Variants in DOCK2 observed in about 807,000 individuals in gnomAD.
DOCK2 encodes the protein dedicator of cytokinesis 2, also known as dedicator of cytokinesis protein 2.
In DOCK2, 87 loss-of-function variants were observed where a neutral mutation model predicts 248.9. That is an observed-to-expected ratio of 0.35 (90% CI 0.29 to 0.42). The LOEUF is 0.42. DOCK2 is among the 10% of genes least tolerant of loss of function. DOCK2 has a pLI of 1.00. For synonymous variants in DOCK2, 805 were observed against 821.6 expected (o/e 0.98, Z 0.35); for missense variants, 1,747 against 2,300.2 (o/e 0.76, Z 4.92).
chr5:169,685,444 T>C (rs1185614097), intron 8 of DOCK2, among the ~76,000 whole-genome samples: 1 of 152,296 alleles, frequency 6.6e-6, no homozygotes, highest in African/African-American at 2.4e-5. Context: ...GTCTCCTCCA[T>C]TGGGGTTTTA....
intron 9 of DOCK2, among the ~76,000 whole-genome samples, chr5:169,694,599 C>A (rs1760502070): frequency 6.6e-6 from 1 of 152,196 alleles, no homozygotes; most frequent in South Asian, 2.1e-4. Context: ...ATTGTATGTA[C>A]TTCAGAGATG....
Position 169,714,349 on chromosome 5 carries a change from C to G in DOCK2, c.1844-11C>G, listed in dbSNP as rs1761782350. 1 of 1,613,866 alleles carries G rather than the reference C, an allele frequency of 6.2e-7. No individual in the cohort carries two copies. Among genetic ancestry groups the G allele is most frequent in the South Asian group, 1.1e-5 (1 of 91,080 alleles). On this transcript the variant is annotated splice_polypyrimidine_tract_variant and intron_variant, in intron 18 of 51. Coordinates refer to ENST00000520908, the MANE Select transcript of DOCK2 (RefSeq NM_004946.3). ...GTAATGATACTTCTGAATGTCTGGA[C>G]TCTATTTTAGTGGGCTTGCTGGGTT... is the stretch of plus-strand genomic sequence containing the variant.
chr5:169,850,141 A>ACAGTTCAC (rs1402502728), intron 27 of DOCK2, among the ~76,000 whole-genome samples: 2 of 152,192 alleles, frequency 1.3e-5, no homozygotes, highest in African/African-American at 4.8e-5. Context: ...GTCGGTATTA[A>ACAGTTCAC]CAGTTCACAT....
At chr5:169,927,765 C>T (rs566163448) in intron 27 of DOCK2, among the ~76,000 whole-genome samples, 6 of 152,256 alleles carry the variant, frequency 3.9e-5, no homozygotes, top group African/African-American at 4.8e-5. Flanking sequence ...TACAGGCGCC[C>T]GCCACCACGC....
chr5:169,704,217 T>C (rs1410568997), intron 14 of DOCK2: 1 of 152,248 alleles, frequency 6.6e-6, no homozygotes, highest in Non-Finnish European at 1.5e-5. Flanking sequence ...TGGGAGGCTT[T>C]TCTTTCTCTA....
intron 22 of DOCK2, among the ~76,000 whole-genome samples, chr5:169,728,507 A>T (rs1304696969): frequency 6.6e-6 from 1 of 152,132 alleles, no homozygotes; most frequent in African/African-American, 2.4e-5. Flanking sequence ...AGGAACCAGG[A>T]AGGACAGTGT....
In DOCK2 at chr5:170,076,091, GTGGT is replaced by G; in HGVS notation, c.4866+9_4866+12del. On this transcript the variant is annotated splice_region_variant and intron_variant, in intron 47 of 51. Coordinates refer to ENST00000520908, the MANE Select transcript of DOCK2 (RefSeq NM_004946.3). ...GTACGGTGTCCGAGAGATGGTATGGGTGGTTCCTATGGCTTGGAGGGGTGGGATT... is the reference window on the plus strand; with the variant it reads ...GTACGGTGTCCGAGAGATGGTATGGGTCCTATGGCTTGGAGGGGTGGGATT... The G allele has an allele frequency of 6.2e-7, 1 of 1,612,564 alleles. No individual in the cohort carries two copies. The highest frequency in any genetic ancestry group is 8.5e-7 in the Non-Finnish European group (1 of 1,179,028).
chr5:169,637,548 G>A (rs1258050918), intron 1 of DOCK2, among the ~76,000 whole-genome samples, 179 bp downstream of exon 1: 1 of 152,144 alleles, frequency 6.6e-6, no homozygotes, highest in African/African-American at 2.4e-5. Context: ...AGAGGACGGC[G>A]GGACCCCACC....
intron 27 of DOCK2, chr5:169,864,595 C>T (rs1307375240): frequency 4.3e-6 from 3 of 699,806 alleles, no homozygotes; most frequent in Middle Eastern, 3.7e-4. Context: ...CCTACTGGCT[C>T]TTTGACCTTG....
chr5:169,768,814 G>C (rs904029412), intron 25 of DOCK2, among the ~76,000 whole-genome samples: 20 of 152,146 alleles, frequency 1.3e-4, no homozygotes, highest in African/African-American at 4.3e-4. Context: ...TACCTTACAT[G>C]CCCTTGCAAA....
intron 1 of DOCK2, among the ~76,000 whole-genome samples, chr5:169,645,263 G>A (rs982317792): frequency 2.0e-5 from 3 of 152,150 alleles, no homozygotes; most frequent in African/African-American, 7.2e-5. Flanking sequence ...CAGTGTAAAA[G>A]TATTCTTATT....
intron 26 of DOCK2, among the ~76,000 whole-genome samples, chr5:169,807,167 G>A (rs1455379542): frequency 5.3e-5 from 8 of 152,090 alleles, no homozygotes; most frequent in Non-Finnish European, 8.8e-5. Context: ...ATTGGTCTGG[G>A]GTGGGTGGGG....
Position 170,041,107 on chromosome 5 carries a change from G to T in DOCK2, c.3718G>T (p.Ala1240Ser), listed in dbSNP as rs748243352. ...LHLDCDNYTEAAYTLLLHTWL... is the reference protein window; with the variant it reads ...LHLDCDNYTESAYTLLLHTWL... ...CCTGGACTGTGACAATTACACAGAG[G>T]CTGCCTACACGCTCCTTCTCCACAC... Residue 1240 changes from alanine (A) to serine (S), a missense_variant, in exon 37 of 52, where the codon GCT becomes TCT. Physicochemically the swap from Ala to Ser is moderately conservative, Grantham distance 99. This residue lies in a region of DOCK2 where 858 missense variants were observed against 1,183.5 expected (regional missense o/e 0.72). Coordinates refer to ENST00000520908, the MANE Select transcript of DOCK2 (RefSeq NM_004946.3). 1 of 1,614,094 alleles carries T rather than the reference G, an allele frequency of 6.2e-7. No individual in the cohort carries two copies. The highest frequency in any genetic ancestry group is 1.1e-5 in the South Asian group (1 of 91,082).
intron 27 of DOCK2, among the ~76,000 whole-genome samples, chr5:169,923,915 G>A (rs570152758): frequency 2.0e-5 from 3 of 152,336 alleles, no homozygotes; most frequent in Admixed American, 6.5e-5. Context: ...TAAGCAATCT[G>A]CTGCTCCCTT....
At chr5:169,904,475 G>C (rs538961618) in intron 27 of DOCK2, among the ~76,000 whole-genome samples, 1 of 152,080 alleles carries the variant, frequency 6.6e-6, no homozygotes, top group Non-Finnish European at 1.5e-5. Context: ...TTTAATGGGG[G>C]TGGTGGGGAA....
At chr5:169,706,516 T>A (rs181349045) in intron 14 of DOCK2, among the ~76,000 whole-genome samples, 94 of 152,298 alleles carry the variant, frequency 6.2e-4, no homozygotes, top group African/African-American at 2.1e-3. Context: ...CTATGAGGAC[T>A]GAATTAAGCG....
At chr5:169,729,657 A>C (rs1762663762) in intron 22 of DOCK2, among the ~76,000 whole-genome samples, 1 of 152,204 alleles carries the variant, frequency 6.6e-6, no homozygotes, top group African/African-American at 2.4e-5. Flanking sequence ...CCCTTATATT[A>C]TACTGGGGGA....
chr5:169,751,017 G>T (rs1047198363), intron 23 of DOCK2, among the ~76,000 whole-genome samples: 2 of 152,194 alleles, frequency 1.3e-5, no homozygotes, highest in African/African-American at 4.8e-5. Context: ...CTCGGCCTCA[G>T]TTTATCCTCT....
At chr5:169,731,315 A>G (rs391285) in intron 22 of DOCK2, among the ~76,000 whole-genome samples, 48,394 of 151,666 alleles carry the variant, frequency 0.32, 11,445 homozygotes, top group African/African-American at 0.66. Flanking sequence ...ATTGAATTAC[A>G]GGGGTGGGTC....
Sources: allele counts gnomAD v4.1 joint callset (sites outside exome capture counted in the v4.1 genomes callset), GRCh38; gene constraint gnomAD v4.1.1; regional missense constraint gnomAD v4.1.1; transcripts MANE v1.5; gene names NCBI Gene and HGNC (gene_info 2026-07-23, HGNC 2026-07-21).